BRD4: variants seen among roughly 807,000 people sequenced by gnomAD.
The protein encoded by BRD4 is bromodomain-containing protein 4.
BRD4 carries 16 observed loss-of-function variants against 142.1 expected under a neutral mutation model. The ratio of observed to expected loss-of-function variants is 0.11; its 90% CI spans 0.08 to 0.17. The LOEUF is 0.17. Ranked by LOEUF, BRD4 falls within the 10% of genes least tolerant of loss-of-function variation. The probability of loss-of-function intolerance (pLI) is 1.00; values close to 1 mark genes in which losing one functional copy is unlikely to be tolerated. For missense variants in BRD4, 1,424 were observed against 1,810.9 expected, an observed-to-expected ratio of 0.79 and a Z score of 3.88; for synonymous variants, 833 against 707.5, an observed-to-expected ratio of 1.18 and a Z score of -2.82.
At chr19:15,278,300 C>T (rs761126794) in intron 1 of BRD4, among the ~76,000 whole-genome samples, 26 of 151,638 alleles carry the variant, frequency 1.7e-4, no homozygotes, top group African/African-American at 6.1e-4. Context: ...TCTGGGAAAA[C>T]GAGGTAGGCA....
In BRD4 at chr19:15,237,017, T is replaced by TAAAAAA. The variant is rs762817978; in HGVS notation, c.*1354_*1359dup. The TAAAAAA allele has an allele frequency of 9.0e-6, 1 of 111,374 alleles. No individual in the cohort carries two copies. 6.9% of individuals were successfully genotyped at this position (111,374 alleles called of 1,614,324 possible). Reference sequence around the variant, plus strand: ...CACCAGGGGCTCCAATTATAAAAATTAAAAAAAAAAAAAAAAAAAAGCATG... The same window carrying TAAAAAA: ...CACCAGGGGCTCCAATTATAAAAATTAAAAAAAAAAAAAAAAAAAAAAAAAAGCATG... On this transcript the variant is annotated 3_prime_UTR_variant, in exon 20 of 20. Coordinates refer to ENST00000679869, the MANE Select transcript of BRD4 (RefSeq NM_001379291.1).
At chr19:15,291,951 T>C (rs1200348763) in intron 1 of BRD4, among the ~76,000 whole-genome samples, 1 of 152,244 alleles carries the variant, frequency 6.6e-6, no homozygotes, top group Non-Finnish European at 1.5e-5. Context: ...CAGGTTATGA[T>C]GTCAGCAATC....
chr19:15,275,139 G>A (rs1376601915), intron 1 of BRD4, among the ~76,000 whole-genome samples: 2 of 152,142 alleles, frequency 1.3e-5, no homozygotes, highest in Admixed American at 6.5e-5. Flanking sequence ...GGTTACAGGC[G>A]TGAGCCACCA....
intron 10 of BRD4, 115 bp downstream of exon 10, chr19:15,255,182 A>T (rs2047393367): frequency 9.5e-7 from 1 of 1,051,392 alleles, no homozygotes. Flanking sequence ...CACAGATATT[A>T]TAATTGGAAA....
intron 1 of BRD4, among the ~76,000 whole-genome samples, chr19:15,303,892 C>A (rs2047892222): frequency 6.6e-6 from 1 of 152,134 alleles, no homozygotes; most frequent in Non-Finnish European, 1.5e-5. Flanking sequence ...ATGACAAAGT[C>A]CTTGATCAAG....
intron 1 of BRD4, among the ~76,000 whole-genome samples, chr19:15,331,548 C>G (rs1054934991): frequency 6.6e-6 from 1 of 152,188 alleles, no homozygotes; most frequent in African/African-American, 2.4e-5. Context: ...GCCAAGCTCG[C>G]CTCCAGGGCA....
At position 15,238,975 on chromosome 19, in the gene BRD4, C is replaced by A; in HGVS notation, c.3788G>T (p.Arg1263Leu). ...ERLRQERMRS[R>L]EDEDALEQAR... ...CTGCTCCAGCGCATCCTCGTCCTCT[C>A]GGCTCCTGGGCAGAGGGTCCCAGTC... The change falls in exon 19 of 20, where the codon CGA becomes CTA. Residue 1263 changes from arginine (R) to leucine (L), a missense_variant. This residue lies in a region of BRD4 where 109 missense variants were observed against 117.9 expected (regional missense o/e 0.92). Transcript: ENST00000679869. This position sits in a 1 kb window ranked among gnomAD's most constrained non-coding sequence, Gnocchi z 7.2. 2 of 1,586,166 alleles carry A rather than the reference C, an allele frequency of 1.3e-6. No homozygotes were observed. Among genetic ancestry groups the A allele is most frequent in the Non-Finnish European group, 8.6e-7 (1 of 1,168,030 alleles).
intron 1 of BRD4, among the ~76,000 whole-genome samples, chr19:15,328,061 G>C (rs2048125083): frequency 6.6e-6 from 1 of 152,000 alleles, no homozygotes; most frequent in Non-Finnish European, 1.5e-5. Context: ...TGTTTGGTAG[G>C]ATTTTACAAT....
chr19:15,331,679 G>A (rs1190967982), intron 1 of BRD4, among the ~76,000 whole-genome samples: 2 of 152,040 alleles, frequency 1.3e-5, no homozygotes, highest in African/African-American at 4.8e-5. Flanking sequence ...AAGAGATGGG[G>A]GTGGGGGCGC....
intron 1 of BRD4, among the ~76,000 whole-genome samples, chr19:15,283,244 A>T (rs1185050320): frequency 6.6e-6 from 1 of 152,172 alleles, no homozygotes. Context: ...ACGAAGAATT[A>T]AAATGAGAAG....
At chr19:15,309,634 A>C (rs376962291) in intron 1 of BRD4, among the ~76,000 whole-genome samples, 1 of 152,242 alleles carries the variant, frequency 6.6e-6, no homozygotes, top group Non-Finnish European at 1.5e-5. Flanking sequence ...GGTATTATTC[A>C]TAAGAGCCAA....
intron 4 of BRD4, among the ~76,000 whole-genome samples, chr19:15,266,991 C>A (rs1183189339): frequency 6.6e-6 from 1 of 152,144 alleles, no homozygotes; most frequent in African/African-American, 2.4e-5. Flanking sequence ...AACTCTGACA[C>A]CAGTGCATTA....
Position 15,253,579 on chromosome 19 carries a change from C to T in BRD4, c.2158+573G>A, listed in dbSNP as rs774336004. On this transcript the variant is annotated intron_variant, in intron 11 of 19. Coordinates refer to ENST00000679869, the MANE Select transcript of BRD4 (RefSeq NM_001379291.1). ...GATTCAGGAGCAGCCAACACAGCAA[C>T]GAGCACACTCTGGGGAGGGGTAGGC... is the stretch of plus-strand genomic sequence containing the variant. The T allele has an allele frequency of 2.6e-5, 41 of 1,579,466 alleles. No individual in the cohort carries two copies. The Admixed American group carries it at 4.1e-4, about 16-fold the overall frequency.
At chr19:15,272,486 C>A (rs1408794080) in intron 2 of BRD4, among the ~76,000 whole-genome samples, 1 of 152,190 alleles carries the variant, frequency 6.6e-6, no homozygotes, top group Non-Finnish European at 1.5e-5. Flanking sequence ...AATGAAGGGG[C>A]TAGGATGGCC....
chr19:15,270,583 T>G (rs1265354100), intron 2 of BRD4, among the ~76,000 whole-genome samples: 17 of 151,998 alleles, frequency 1.1e-4, no homozygotes, highest in Admixed American at 1.0e-3. Flanking sequence ...GCCAACAGAA[T>G]AGTGAAGAGG....
At chr19:15,279,696 AAAC>A (rs1044990410) in intron 1 of BRD4, among the ~76,000 whole-genome samples, 2 of 152,214 alleles carry the variant, frequency 1.3e-5, no homozygotes, top group African/African-American at 4.8e-5. Flanking sequence ...GAAAGACCAC[AAAC>A]AACTGCCCAG....
rs370518284 is a variant in BRD4 at position 15,256,290 on chromosome 19, A to T, written c.1552-27T>A. On this transcript the variant is annotated intron_variant, in intron 8 of 19. Transcript: ENST00000679869. ...TGTAGACCAGACAGGCAAGACACAC[A>T]CTCAGGGCTGAAACCACCTTCCTGT... 10 of 1,597,800 alleles carry T rather than the reference A, an allele frequency of 6.3e-6. No individual in the cohort carries two copies. In the East Asian group the frequency reaches 2.2e-4, roughly 36 times the overall value.
At chr19:15,277,470 T>C (rs2145637748) in intron 1 of BRD4, among the ~76,000 whole-genome samples, 1 of 152,242 alleles carries the variant, frequency 6.6e-6, no homozygotes, top group African/African-American at 2.4e-5. Context: ...CAACACTTGA[T>C]CAGCAAGTTG....
intron 1 of BRD4, among the ~76,000 whole-genome samples, chr19:15,302,848 T>C (rs1265038610): frequency 6.7e-6 from 1 of 149,630 alleles, no homozygotes. Flanking sequence ...TACTAAAAAA[T>C]ACAAAAAAAA....
Sources: gnomAD v4.1 joint callset for allele counts (sites outside exome capture counted in the v4.1 genomes callset) on GRCh38, gnomAD v4.1.1 for gene constraint, gnomAD v4.1.1 regional missense constraint, Gnocchi (gnomAD v3.1) non-coding constraint, MANE v1.5 for transcripts, NCBI Gene and HGNC (gene_info 2026-07-23, HGNC 2026-07-21) for gene names.